PDE4B: variants seen among roughly 807,000 people sequenced by gnomAD.
PDE4B encodes 3',5'-cyclic-AMP phosphodiesterase 4B.
A neutral mutation model predicts 82.2 loss-of-function variants in PDE4B; 20 were observed. That is an observed-to-expected ratio of 0.24 (90% confidence interval 0.17 to 0.35). The LOEUF (loss-of-function observed/expected upper bound fraction) is 0.35, where lower values mean the gene tolerates loss of function less well. PDE4B is among the 10% of genes least tolerant of loss of function. The pLI, the probability that PDE4B is intolerant of heterozygous loss-of-function variation, is 1.00. For missense variants in PDE4B, 655 were observed against 907.2 expected, an observed-to-expected ratio of 0.72 and a Z score of 3.57; for synonymous variants, 320 against 318.9, an observed-to-expected ratio of 1.00 and a Z score of -0.04.
chr1:65,942,330 A>C (rs1335268043), intron 3 of PDE4B, among the ~76,000 whole-genome samples: 1 of 151,896 alleles, frequency 6.6e-6, no homozygotes, highest in Non-Finnish European at 1.5e-5. Flanking sequence ...CTCCATGTCC[A>C]TCCATGTTGT....
At chr1:65,957,819 C>T (rs3009861) in intron 3 of PDE4B, among the ~76,000 whole-genome samples, 151,014 of 152,212 alleles carry the variant, frequency 0.99, 74,926 homozygotes, top group Middle Eastern at 1. Flanking sequence ...TATTTTCAAT[C>T]TGTGGCTGAT....
In PDE4B at chr1:66,117,864, C is replaced by A. The variant is rs1477052809; in HGVS notation, c.282-129596C>A. Among the ~76,000 whole-genome samples, 3 of 152,114 alleles carry A rather than the reference C, an allele frequency of 2.0e-5. No homozygotes were observed. In the East Asian group the frequency reaches 5.8e-4, roughly 29 times the overall value. On this transcript the variant is annotated intron_variant, in intron 3 of 16. Coordinates refer to ENST00000341517, the MANE Select transcript of PDE4B (RefSeq NM_002600.4). ...GTGATTGCTTCTTTTTCTTAAAAAA[C>A]CAAACCCTAAGGAATCGCCACACTG...
At chr1:65,887,392 TC>T (rs1646800762) in intron 1 of PDE4B, among the ~76,000 whole-genome samples, 1 of 98,474 alleles carries the variant, frequency 1.0e-5, no homozygotes, top group Non-Finnish European at 1.9e-5. Context: ...TTCCTTCTTT[TC>T]TTTCTTTTTC....
chr1:66,100,194 CA>C (rs1645194699), intron 3 of PDE4B, among the ~76,000 whole-genome samples: 1 of 152,026 alleles, frequency 6.6e-6, no homozygotes, highest in South Asian at 2.1e-4. Context: ...ACTGTGACTA[CA>C]GGTGCGCACC....
At chr1:65,934,292 AT>A (rs1444837513) in intron 3 of PDE4B, among the ~76,000 whole-genome samples, 3 of 152,174 alleles carry the variant, frequency 2.0e-5, no homozygotes, top group Non-Finnish European at 4.4e-5. Context: ...GTAAAACAAT[AT>A]ATTTTTAAAA....
At position 66,148,795 on chromosome 1, in the gene PDE4B, A is replaced by G. The variant is rs564574745; in HGVS notation, c.282-98665A>G. Among the ~76,000 whole-genome samples the G allele has an allele frequency of 4.6e-5, 7 of 152,150 alleles. No individual in the cohort carries two copies. In the South Asian group the frequency reaches 1.4e-3, roughly 32 times the overall value. ...TTGTGATTGACTTCTTTCATTTAGC[A>G]TAATGTTTTTAGGGTTTATTCATGT... On this transcript the variant is annotated intron_variant, in intron 3 of 16. Transcript: ENST00000341517.
At chr1:66,281,418 A>G (rs2101781837) in intron 7 of PDE4B, among the ~76,000 whole-genome samples, 1 of 152,304 alleles carries the variant, frequency 6.6e-6, no homozygotes, top group Non-Finnish European at 1.5e-5. Flanking sequence ...CTTTTAACCC[A>G]CTAGAGATCT....
rs139358143 is a variant in PDE4B at position 66,075,273 on chromosome 1, C to A, written c.281+156438C>A. The stretch of plus-strand genomic sequence containing the variant: ...GCTAAGCCCCAATTTTGGGGTTCAC[C>A]TGCCCTACATCAGCTGGGCTATGAA... On this transcript the variant is annotated intron_variant, in intron 3 of 16. Transcript: ENST00000341517. Among the ~76,000 whole-genome samples the A allele has an allele frequency of 5.6e-3, 855 of 152,154 alleles. 8 individuals carry two copies. The highest frequency in any genetic ancestry group is 0.02 in the African/African-American group (826 of 41,556).
At chr1:66,015,339 T>C (rs769280088) in intron 3 of PDE4B, among the ~76,000 whole-genome samples, 8 of 152,116 alleles carry the variant, frequency 5.3e-5, no homozygotes, top group African/African-American at 1.2e-4. Flanking sequence ...AGATGCCCAA[T>C]TGACAATATA....
intron 12 of PDE4B, 69 bp from the exon 13 acceptor site, chr1:66,365,598 A>C (rs1663180964): frequency 1.2e-6 from 1 of 830,118 alleles, no homozygotes; most frequent in Non-Finnish European, 2.0e-6. Context: ...AGGATACTTT[A>C]CAAATGAAAC....
At chr1:65,844,422 G>T (rs999845548) in intron 1 of PDE4B, among the ~76,000 whole-genome samples, 3 of 152,154 alleles carry the variant, frequency 2.0e-5, no homozygotes, top group African/African-American at 7.2e-5. Context: ...AAGAAATGTT[G>T]TCTCAGAGCT....
At chr1:66,072,740 G>A (rs1374497774) in intron 3 of PDE4B, among the ~76,000 whole-genome samples, 1 of 152,066 alleles carries the variant, frequency 6.6e-6, no homozygotes, top group African/African-American at 2.4e-5. Flanking sequence ...CTCTGTTCTA[G>A]GTAACCTGCT....
intron 3 of PDE4B, among the ~76,000 whole-genome samples, chr1:66,154,833 C>G (rs1405762288): frequency 2.0e-5 from 3 of 152,088 alleles, no homozygotes; most frequent in Non-Finnish European, 2.9e-5. Flanking sequence ...TTTTCCAAGC[C>G]CCTTGTGGTT....
rs1647009388 is a variant in PDE4B, at chr1:66,179,272, A to T, written c.282-68188A>T. ...TCAAAGCACCATCATATAGTGAATG[A>T]GCAACACCAGGCTATATAAGTGTCT... On this transcript the variant is annotated intron_variant, in intron 3 of 16. Transcript: ENST00000341517. 2.0e-5 allele frequency among the ~76,000 whole-genome samples: 3 copies of T among 152,234 alleles called. No homozygotes were observed. The South Asian group carries it at 6.2e-4, about 32-fold the overall frequency.
intron 12 of PDE4B, among the ~76,000 whole-genome samples, chr1:66,364,312 A>G (rs1663057316): frequency 6.6e-6 from 1 of 152,224 alleles, no homozygotes; most frequent in African/African-American, 2.4e-5. Context: ...AATCTAGAAC[A>G]GAAGAATTAA....
intron 3 of PDE4B, among the ~76,000 whole-genome samples, chr1:66,039,131 T>G (rs1393584552): frequency 2.0e-5 from 3 of 148,760 alleles, no homozygotes; most frequent in African/African-American, 7.9e-5. Context: ...GAGTTGTTAT[T>G]TATTTTTTAT....
intron 1 of PDE4B, among the ~76,000 whole-genome samples, chr1:65,906,852 G>T (rs1647032907): frequency 6.6e-6 from 1 of 152,090 alleles, no homozygotes; most frequent in Admixed American, 6.6e-5. Flanking sequence ...ATTTAGCCTG[G>T]CTACTTTGCC....
At chr1:65,923,319 C>A (rs1557434858) in intron 3 of PDE4B, among the ~76,000 whole-genome samples, 1 of 152,136 alleles carries the variant, frequency 6.6e-6, no homozygotes, top group Non-Finnish European at 1.5e-5. Flanking sequence ...AGATAATAAG[C>A]CAATTCTGGG....
chr1:65,984,315 A>G (rs1044116711), intron 3 of PDE4B, among the ~76,000 whole-genome samples: 1 of 152,174 alleles, frequency 6.6e-6, no homozygotes, highest in Non-Finnish European at 1.5e-5. Flanking sequence ...ATTGCCAGGG[A>G]TTAGTGGTGG....
Sources: gnomAD v4.1 joint callset for allele counts (sites outside exome capture counted in the v4.1 genomes callset) on GRCh38, gnomAD v4.1.1 for gene constraint, MANE v1.5 for transcripts, NCBI Gene and HGNC (gene_info 2026-07-23, HGNC 2026-07-21) for gene names.